The following IL18RAP variants were observed in gnomAD, a reference collection of about 807,000 sequenced individuals.
IL18RAP encodes interleukin 18 receptor accessory protein.
IL18RAP carries 37 observed loss-of-function variants against 58.1 expected under a neutral mutation model. The ratio of observed to expected loss-of-function variants is 0.64; its 90% CI spans 0.49 to 0.84. The LOEUF (loss-of-function observed/expected upper bound fraction) is 0.84, where lower values mean the gene tolerates loss of function less well. Ranked by LOEUF, IL18RAP falls within the 40% of genes least tolerant of loss-of-function variation. The probability of loss-of-function intolerance (pLI) is 0.00; values close to 1 mark genes in which losing one functional copy is unlikely to be tolerated. For synonymous variants in IL18RAP, 268 were observed against 257.5 expected, an observed-to-expected ratio of 1.04 and a Z score of -0.39; for missense variants, 667 against 704.8, an observed-to-expected ratio of 0.95 and a Z score of 0.61.
chr2:102,445,374 C>T, intron 7 of IL18RAP, 34 bp downstream of exon 7: 1 of 1,603,908 alleles, frequency 6.2e-7, no homozygotes, highest in Non-Finnish European at 8.5e-7. Flanking sequence ...AGGCATGAAA[C>T]TGCTTTCACT....
intron 3 of IL18RAP, 76 bp downstream of exon 3, chr2:102,424,490 AG>A (rs1681807713): frequency 7.5e-7 from 1 of 1,327,504 alleles, no homozygotes; most frequent in African/African-American, 1.5e-5. Context: ...TTCATGGAAA[AG>A]CGTGTTTGAG....
chr2:102,433,413 G>A (rs1573278307), intron 3 of IL18RAP, among the ~76,000 whole-genome samples: 1 of 152,234 alleles, frequency 6.6e-6, no homozygotes, highest in Non-Finnish European at 1.5e-5. Flanking sequence ...TTGTAGAGAA[G>A]GGGTTTCACT....
At position 102,444,058 on chromosome 2, in the gene IL18RAP, A is replaced by G. The variant is rs569864197; in HGVS notation, c.920+735A>G. ...GTCCAATCAGATGTGTCTCCAAAGGATGCATTCCCTGATTTTTCGAAGATG... is the reference window on the plus strand; with the variant it reads ...GTCCAATCAGATGTGTCTCCAAAGGGTGCATTCCCTGATTTTTCGAAGATG... On this transcript the variant is annotated intron_variant, in intron 6 of 9. Transcript: ENST00000687160. 1.5e-3 allele frequency among the ~76,000 whole-genome samples: 223 copies of G among 152,340 alleles called. 3 individuals are homozygous for G. Among genetic ancestry groups the G allele is most frequent in the African/African-American group, 5.1e-3 (212 of 41,582 alleles).
In IL18RAP at chr2:102,452,396, A is replaced by T. The variant is rs2104394759; in HGVS notation, c.*215A>T. On this transcript the variant is annotated 3_prime_UTR_variant, in exon 10 of 10. Coordinates refer to ENST00000687160, the MANE Select transcript of IL18RAP (RefSeq NM_001393487.1). ...GACTGACGGCGAGTGAATTCTCTAG[A>T]CCTTGGGTACTTTCAGTACACAACA... 2 of 505,096 alleles carry T rather than the reference A, an allele frequency of 4.0e-6. No homozygotes were observed. The highest frequency in any genetic ancestry group is 3.0e-5 in the East Asian group (1 of 32,910). 31.3% of individuals were successfully genotyped at this position (505,096 alleles called of 1,614,324 possible).
intron 3 of IL18RAP, among the ~76,000 whole-genome samples, chr2:102,428,330 C>T (rs1394673365): frequency 6.6e-6 from 1 of 150,814 alleles, no homozygotes; most frequent in East Asian, 1.9e-4. Flanking sequence ...AATCCATGGA[C>T]ACAGAATACT....
At chr2:102,447,977 G>A (rs1027586521) in intron 8 of IL18RAP, among the ~76,000 whole-genome samples, 18 of 152,014 alleles carry the variant, frequency 1.2e-4, no homozygotes, top group Admixed American at 6.5e-4. Flanking sequence ...CAAGTGATCC[G>A]TCCGCCTCGG....
intron 4 of IL18RAP, among the ~76,000 whole-genome samples, chr2:102,438,208 G>A (rs1030108968): frequency 6.6e-6 from 1 of 152,194 alleles, no homozygotes. Flanking sequence ...GCAAGCATCA[G>A]CTTGAATCAA....
At chr2:102,447,651 G>T (rs1439207747) in intron 8 of IL18RAP, among the ~76,000 whole-genome samples, 1 of 151,988 alleles carries the variant, frequency 6.6e-6, no homozygotes, top group Non-Finnish European at 1.5e-5. Flanking sequence ...CAATTGCAAA[G>T]GATGCTGTGA....
At chr2:102,422,648 C>A (rs998991376), upstream of IL18RAP, among the ~76,000 whole-genome samples, 8 of 152,212 alleles carry the variant, frequency 5.3e-5, no homozygotes, top group East Asian at 1.9e-4. Flanking sequence ...ACCTGCTCCC[C>A]CTTTCATATT....
intron 3 of IL18RAP, among the ~76,000 whole-genome samples, chr2:102,429,368 G>A (rs181139179): frequency 5.3e-4 from 81 of 151,926 alleles, no homozygotes; most frequent in African/African-American, 1.6e-3. Context: ...ATAATTGTTC[G>A]TAGTAGTTTC....
chr2:102,437,076 C>T (rs1048402287), intron 3 of IL18RAP, 136 bp from the exon 4 acceptor site: 1 of 731,260 alleles, frequency 1.4e-6, no homozygotes, highest in African/African-American at 1.8e-5. Context: ...ACAATGTCTT[C>T]ATAGCTTGTG....
chr2:102,448,375 A>G (rs1379729155), intron 8 of IL18RAP, among the ~76,000 whole-genome samples: 2 of 152,198 alleles, frequency 1.3e-5, no homozygotes, highest in African/African-American at 4.8e-5. Flanking sequence ...ATTACTATTA[A>G]TGAAGTGCCT....
intron 8 of IL18RAP, 134 bp from the exon 9 acceptor site, chr2:102,450,714 A>T: frequency 3.9e-6 from 2 of 514,664 alleles, no homozygotes; most frequent in Non-Finnish European, 6.4e-6. Context: ...ATGAATTTTT[A>T]AAATCAATTT....
chr2:102,437,350 G>A lies in IL18RAP; in HGVS notation c.718G>A (p.Val240Met), dbSNP rs1206054283. The change falls in exon 4 of 10, where the codon GTG becomes ATG. Residue 240 changes from valine (V) to methionine (M), a missense_variant. By Grantham distance (21) the Val-to-Met change is conservative. Transcript: ENST00000687160. The stretch of plus-strand genomic sequence containing the variant: ...GTGGACAGTCAGAGCTGTTGTTCAA[G>A]TGAGAACCATTGGTAAGTGAGATTT... ...SSWTVRAVVQ[V>M]RTIVGDTKLK... The A allele has an allele frequency of 1.2e-6, 2 of 1,610,668 alleles. No homozygotes were observed. Among genetic ancestry groups the A allele is most frequent in the Non-Finnish European group, 1.7e-6 (2 of 1,178,958 alleles).
intron 5 of IL18RAP, among the ~76,000 whole-genome samples, chr2:102,441,610 G>A (rs1326772012): frequency 5.3e-5 from 8 of 152,138 alleles, no homozygotes; most frequent in South Asian, 2.1e-4. Flanking sequence ...ATTGCAGGCC[G>A]GGCATGGTGG....
Position 102,423,254 on chromosome 2 carries a change from T to C in IL18RAP, c.-24T>C. On this transcript the variant is annotated 5_prime_UTR_variant, in exon 1 of 10. An upstream open reading frame in the 5' UTR loses its in-frame stop. Coordinates refer to ENST00000687160, the MANE Select transcript of IL18RAP (RefSeq NM_001393487.1). ...TGGCAAAGGAATGAAGTTATTGGAG[T>C]GATGACAGGAACACGGGAGAACAAT... The C allele has an allele frequency of 1.9e-6, 3 of 1,611,246 alleles. No individual in the cohort carries two copies. Among genetic ancestry groups the C allele is most frequent in the Non-Finnish European group, 2.5e-6 (3 of 1,177,428 alleles).
chr2:102,449,992 T>A (rs542559720), intron 8 of IL18RAP, among the ~76,000 whole-genome samples: 1 of 152,132 alleles, frequency 6.6e-6, no homozygotes, highest in South Asian at 2.1e-4. Flanking sequence ...TCATTTTAGG[T>A]TCACCTTGAA....
chr2:102,450,739 A>G (rs1012697812), intron 8 of IL18RAP, 109 bp from the exon 9 acceptor site: 5 of 586,354 alleles, frequency 8.5e-6, no homozygotes, highest in Non-Finnish European at 1.1e-5. Context: ...AGGATCCCAA[A>G]TATTATTTCT....
intron 8 of IL18RAP, among the ~76,000 whole-genome samples, chr2:102,449,563 G>A (rs1037864892): frequency 2.0e-5 from 3 of 152,112 alleles, no homozygotes; most frequent in Non-Finnish European, 4.4e-5. Flanking sequence ...CAAGCACGGG[G>A]ATGCAGTGCC....
Sources: gnomAD v4.1 joint callset for allele counts (sites outside exome capture counted in the v4.1 genomes callset) on GRCh38, gnomAD v4.1.1 for gene constraint, MANE v1.5 for transcripts, NCBI Gene and HGNC (gene_info 2026-07-23, HGNC 2026-07-21) for gene names.